PLA2G12B: variants seen among roughly 807,000 people sequenced by gnomAD.
PLA2G12B encodes the protein phospholipase A2 group XIIB.
In PLA2G12B, 19 loss-of-function variants were observed where a neutral mutation model predicts 22.3. The ratio of observed to expected loss-of-function variants is 0.85; its 90% confidence interval spans 0.60 to 1.25. The LOEUF (loss-of-function observed/expected upper bound fraction) is 1.25. Among genes scored for constraint, PLA2G12B ranks in the 50% most tolerant of loss-of-function variants. The pLI is 0.00. For missense variants in PLA2G12B, 191 were observed against 246.6 expected, an observed-to-expected ratio of 0.77 and a Z score of 1.51; for synonymous variants, 81 against 94.9, an observed-to-expected ratio of 0.85 and a Z score of 0.85.
At chr10:72,945,706 G>T (rs1358901152) in intron 1 of PLA2G12B, among the ~76,000 whole-genome samples, 1 of 151,664 alleles carries the variant, frequency 6.6e-6, no homozygotes, top group Non-Finnish European at 1.5e-5. Context: ...GGAGTGCAGT[G>T]GTGCGATCTT....
chr10:72,936,281 T>C (rs1053393713), intron 3 of PLA2G12B, among the ~76,000 whole-genome samples: 1 of 152,120 alleles, frequency 6.6e-6, no homozygotes, highest in African/African-American at 2.4e-5. Flanking sequence ...GGTAAACAGA[T>C]AGCTACACTA....
chr10:72,944,871 G>A (rs1846415831), intron 1 of PLA2G12B, among the ~76,000 whole-genome samples: 1 of 152,186 alleles, frequency 6.6e-6, no homozygotes. Context: ...GTAGCAGGAT[G>A]GCAGGAGTTG....
intron 1 of PLA2G12B, among the ~76,000 whole-genome samples, chr10:72,948,237 G>C (rs986624584): frequency 6.6e-6 from 1 of 152,100 alleles, no homozygotes; most frequent in Non-Finnish European, 1.5e-5. Flanking sequence ...GACTTGGCTC[G>C]GTTTCTTGGG....
chr10:72,941,260 G>T lies in PLA2G12B; in HGVS notation c.375C>A (p.Asn125Lys). ...GGAATTTTGCATCACAGCGATATTT[G>T]TTGGCACCGCAAGTGTCATAACAGA... ...LDVCYDTCGA[N>K]KYRCDAKFRW... Residue 125 changes from asparagine (N) to lysine (K), a missense_variant, in exon 3 of 4, where the codon AAC becomes AAA. Coordinates refer to ENST00000373032, the MANE Select transcript of PLA2G12B (RefSeq NM_032562.5). The T allele has an allele frequency of 6.2e-7, 1 of 1,613,886 alleles. No homozygotes were observed. The highest frequency in any genetic ancestry group is 1.1e-5 in the South Asian group (1 of 91,062).
chr10:72,948,211 A>G (rs1028236510), intron 1 of PLA2G12B, among the ~76,000 whole-genome samples: 8 of 152,118 alleles, frequency 5.3e-5, no homozygotes, highest in Non-Finnish European at 4.4e-5. Flanking sequence ...TTTTGCTGAA[A>G]AGGGCATTTG....
At chr10:72,951,120 T>C (rs1846524242) in intron 1 of PLA2G12B, among the ~76,000 whole-genome samples, 2 of 152,208 alleles carry the variant, frequency 1.3e-5, no homozygotes, top group Admixed American at 1.3e-4. Flanking sequence ...ATACCACTGA[T>C]TCTTTATGTA....
rs1280643392 is a variant in PLA2G12B, at chr10:72,950,646, A to C, written c.211+3829T>G. On this transcript the variant is annotated intron_variant, in intron 1 of 3. Transcript: ENST00000373032. The stretch of plus-strand genomic sequence containing the variant: ...CAGGGCGCGCCACCACGCCCGGCTA[A>C]TTTTTGTATTTTTAGTACAGATGGG... Among the ~76,000 whole-genome samples the C allele has an allele frequency of 2.0e-5, 3 of 151,946 alleles. No individual in the cohort carries two copies. In the East Asian group the frequency reaches 5.8e-4, roughly 29 times the overall value.
In PLA2G12B at chr10:72,941,223, G is replaced by T; in HGVS notation, c.412C>A (p.His138Asn). Reference sequence around the variant, plus strand: ...CGCTTAAGGTCAGAGCAGATCGAGTGGAGACACCATCGGAATTTTGCATCA... The same window carrying T: ...CGCTTAAGGTCAGAGCAGATCGAGTTGAGACACCATCGGAATTTTGCATCA... Reference protein sequence around the residue: ...RCDAKFRWCLHSICSDLKRSL... With the variant: ...RCDAKFRWCLNSICSDLKRSL... The change falls in exon 3 of 4, where the codon CAC (histidine) becomes AAC (asparagine). Residue 138 changes from histidine to asparagine, a missense_variant. By Grantham distance (68) the His-to-Asn change is moderately conservative (BLOSUM62 1). Coordinates refer to ENST00000373032, the MANE Select transcript of PLA2G12B (RefSeq NM_032562.5). The T allele has an allele frequency of 6.2e-7, 1 of 1,614,096 alleles. No homozygotes were observed. The highest frequency in any genetic ancestry group is 8.5e-7 in the Non-Finnish European group (1 of 1,180,004).
intron 2 of PLA2G12B, among the ~76,000 whole-genome samples, chr10:72,941,555 G>A (rs574380801): frequency 1.3e-5 from 2 of 152,218 alleles, no homozygotes; most frequent in Admixed American, 6.5e-5. Context: ...AAGTGATTCT[G>A]GCCATTTTTC....
chr10:72,948,814 T>C (rs1354000722), intron 1 of PLA2G12B, among the ~76,000 whole-genome samples: 2 of 152,200 alleles, frequency 1.3e-5, no homozygotes, highest in East Asian at 1.9e-4. Flanking sequence ...TTTGATCTTA[T>C]AAAACTTAAA....
chr10:72,935,863 G>A, intron 3 of PLA2G12B, 125 bp from the exon 4 acceptor site: 1 of 1,276,390 alleles, frequency 7.8e-7, no homozygotes, highest in Non-Finnish European at 1.1e-6. Context: ...CAAAGGAAGA[G>A]CATCCATTTC....
chr10:72,941,426 T>A, intron 2 of PLA2G12B, 92 bp from the exon 3 acceptor site: 1 of 1,265,212 alleles, frequency 7.9e-7, no homozygotes, highest in Non-Finnish European at 1.1e-6. Flanking sequence ...TGTTATTAAC[T>A]AGCTGGTTCT....
chr10:72,952,623 A>T (rs530576907), intron 1 of PLA2G12B, among the ~76,000 whole-genome samples: 22 of 152,322 alleles, frequency 1.4e-4, no homozygotes, highest in South Asian at 4.1e-4. Context: ...CTCGATTCAC[A>T]ATCAGTTTGA....
intron 3 of PLA2G12B, among the ~76,000 whole-genome samples, chr10:72,940,959 T>G (rs1846350458): frequency 2.6e-5 from 4 of 152,162 alleles, no homozygotes; most frequent in Admixed American, 2.6e-4. Context: ...TCAGGAGTGG[T>G]GCCAGCAGCT....
intron 2 of PLA2G12B, 120 bp downstream of exon 2, chr10:72,942,532 A>T: frequency 1.3e-6 from 1 of 770,424 alleles, no homozygotes; most frequent in Non-Finnish European, 1.9e-6. Flanking sequence ...TATCCAATTT[A>T]AAATACTTAA....
intron 1 of PLA2G12B, among the ~76,000 whole-genome samples, chr10:72,944,011 C>T (rs982910089): frequency 1.3e-5 from 2 of 149,122 alleles, no homozygotes; most frequent in Admixed American, 1.3e-4. Context: ...TTTCTTTCTT[C>T]CTTCCTTCCT....
chr10:72,937,628 T>G (rs1244069092), intron 3 of PLA2G12B, among the ~76,000 whole-genome samples: 1 of 152,186 alleles, frequency 6.6e-6, no homozygotes, highest in Non-Finnish European at 1.5e-5. Flanking sequence ...TGAATATGGA[T>G]GCAAAATCCT....
chr10:72,941,430 T>C (rs574722309), intron 2 of PLA2G12B, 96 bp from the exon 3 acceptor site: 1 of 1,233,638 alleles, frequency 8.1e-7, no homozygotes, highest in African/African-American at 1.5e-5. Context: ...ATTAACTAGC[T>C]GGTTCTCACA....
chr10:72,948,031 C>T (rs569342360), intron 1 of PLA2G12B, among the ~76,000 whole-genome samples: 5 of 152,220 alleles, frequency 3.3e-5, no homozygotes, highest in African/African-American at 7.2e-5. Context: ...CCTGCCACCA[C>T]GCCCGGCTAA....
Sources: allele counts gnomAD v4.1 joint callset (sites outside exome capture counted in the v4.1 genomes callset), GRCh38; gene constraint gnomAD v4.1.1; transcripts MANE v1.5; gene names NCBI Gene and HGNC (gene_info 2026-07-23, HGNC 2026-07-21).